The following GALNT11 variants were observed in gnomAD, a reference collection of about 807,000 sequenced individuals.
GALNT11 encodes UDP-GalNAc:polypeptide N-acetylgalactosaminyltransferase 11.
A neutral mutation model predicts 72.7 loss-of-function variants in GALNT11; 47 were observed. That is an observed-to-expected ratio of 0.65 (90% confidence interval 0.51 to 0.82). The LOEUF is 0.82. Ranked by LOEUF, GALNT11 falls within the 40% of genes least tolerant of loss-of-function variation. The pLI is 0.00. For missense variants in GALNT11, 677 were observed against 778.4 expected, an observed-to-expected ratio of 0.87 and a Z score of 1.55; for synonymous variants, 270 against 286.6, an observed-to-expected ratio of 0.94 and a Z score of 0.58.
At chr7:152,036,559 G>C (rs935564153) in intron 1 of GALNT11, among the ~76,000 whole-genome samples, 5 of 152,174 alleles carry the variant, frequency 3.3e-5, no homozygotes, top group African/African-American at 1.2e-4. Flanking sequence ...ACATGAGACT[G>C]CAGACCTCTT....
intron 1 of GALNT11, among the ~76,000 whole-genome samples, chr7:152,059,302 CTG>C (rs2083872524): frequency 6.6e-6 from 1 of 151,582 alleles, no homozygotes; most frequent in South Asian, 2.1e-4. Context: ...GGGTCTCACT[CTG>C]TTGTCCAAGC....
chr7:152,040,432 A>G (rs543403657), intron 1 of GALNT11, among the ~76,000 whole-genome samples: 2 of 152,330 alleles, frequency 1.3e-5, no homozygotes, highest in South Asian at 2.1e-4. Flanking sequence ...GCTTCTTTCC[A>G]GGTAATGCTG....
Position 152,121,667 on chromosome 7 carries a change from T to G in GALNT11, c.1817T>G (p.Leu606Trp). 2 of 1,613,974 alleles carry G rather than the reference T, an allele frequency of 1.2e-6. No homozygotes were observed. Among genetic ancestry groups the G allele is most frequent in the Non-Finnish European group, 1.7e-6 (2 of 1,179,920 alleles). The change falls in exon 12 of 12, where the codon TTG becomes TGG. Residue 606 changes from leucine (L) to tryptophan (W), a missense_variant. Physicochemically the swap from Leu to Trp is moderately conservative, Grantham distance 61 (BLOSUM62 -2). Transcript: ENST00000430044. The part of the protein sequence containing the change: ...CDGSSSQQWH[L>W]EG ...GGCTCCTCTTCACAGCAGTGGCATT[T>G]GGAAGGTTAAGGTGGATGCTGTGGT... is the stretch of plus-strand genomic sequence containing the variant.
intron 1 of GALNT11, among the ~76,000 whole-genome samples, chr7:152,085,193 T>C (rs1219472445): frequency 1.3e-5 from 2 of 152,172 alleles, no homozygotes; most frequent in East Asian, 3.8e-4. Flanking sequence ...CTGTTGTACC[T>C]CCCTGGCAAA....
At chr7:152,043,391 C>A (rs529551332) in intron 1 of GALNT11, among the ~76,000 whole-genome samples, 1 of 152,168 alleles carries the variant, frequency 6.6e-6, no homozygotes, top group Non-Finnish European at 1.5e-5. Context: ...CCGGCTGTGG[C>A]GGGGGACAGA....
Position 152,105,350 on chromosome 7 carries a change from T to C in GALNT11, c.692T>C (p.Ile231Thr). ...KREGLIRGRM[I>T]GAAHATGEVL... is the part of the protein sequence containing the mutation. ...GAGGGGTTGATTCGAGGGAGAATGA[T>C]TGGCGCGGCCCACGCGACAGGTATC... The change falls in exon 5 of 12, where the codon ATT becomes ACT. Residue 231 changes from isoleucine (I) to threonine (T), a missense_variant. By Grantham distance (89) the Ile-to-Thr change is moderately conservative. Transcript: ENST00000430044. 2 of 1,613,724 alleles carry C rather than the reference T, an allele frequency of 1.2e-6. No homozygotes were observed. The highest frequency in any genetic ancestry group is 8.5e-7 in the Non-Finnish European group (1 of 1,179,858).
intron 8 of GALNT11, 156 bp from the exon 9 acceptor site, chr7:152,117,001 T>C (rs1012976799): frequency 4.1e-6 from 3 of 733,484 alleles, no homozygotes; most frequent in Non-Finnish European, 7.2e-6. Context: ...TGATCTCATA[T>C]ATACGCCTGT....
In GALNT11 at chr7:152,094,575, G is replaced by GT; in HGVS notation, c.295+56dup. 1 of 1,501,558 alleles carries GT rather than the reference G, an allele frequency of 6.7e-7. No homozygotes were observed. Among genetic ancestry groups the GT allele is most frequent in the Non-Finnish European group, 8.9e-7 (1 of 1,120,810 alleles). The allele number at this position is 1,501,558 out of a possible 1,614,324, so 93.0% of individuals were successfully genotyped here. On this transcript the variant is annotated intron_variant, in intron 2 of 11. Transcript: ENST00000430044. This position sits in a 1 kb window ranked among gnomAD's most constrained non-coding sequence, Gnocchi z 4.3. ...ATATCAATGTATTTAATCACTGGAAGTTTGATTAATTAGTTAATTAGGAGA... is the reference window on the plus strand; with the variant it reads ...ATATCAATGTATTTAATCACTGGAAGTTTTGATTAATTAGTTAATTAGGAGA...
intron 1 of GALNT11, among the ~76,000 whole-genome samples, chr7:152,034,038 C>T (rs1356545299): frequency 6.6e-6 from 1 of 152,200 alleles, no homozygotes; most frequent in African/African-American, 2.4e-5. Flanking sequence ...CTGCCTTGAT[C>T]TGCTTTAAAT....
At chr7:152,100,752 G>C (rs2086810777) in intron 2 of GALNT11, 46 bp from the exon 3 acceptor site, 1 of 1,602,630 alleles carries the variant, frequency 6.2e-7, no homozygotes, top group Admixed American at 1.7e-5. Flanking sequence ...ACAGTAACAT[G>C]ATACTTTCTA....
At chr7:152,030,968 C>T (rs139806169) in intron 1 of GALNT11, among the ~76,000 whole-genome samples, 1,791 of 152,366 alleles carry the variant, frequency 0.012, 36 homozygotes, top group African/African-American at 0.041. Flanking sequence ...GCAATAACTC[C>T]ATGGTTTCCT....
intron 1 of GALNT11, among the ~76,000 whole-genome samples, chr7:152,055,565 G>A (rs200546258): frequency 0.068 from 7,521 of 111,098 alleles, 329 homozygotes; most frequent in East Asian, 0.24. Context: ...GTGTGTGTGT[G>A]TGTATATATA....
intron 1 of GALNT11, among the ~76,000 whole-genome samples, chr7:152,081,630 G>C (rs2085329118): frequency 6.6e-6 from 1 of 152,136 alleles, no homozygotes; most frequent in South Asian, 2.1e-4. Flanking sequence ...TTGCATAGTA[G>C]TGTAAGGCTA....
intron 1 of GALNT11, among the ~76,000 whole-genome samples, chr7:152,027,004 C>G (rs536536352): frequency 6.6e-6 from 1 of 152,296 alleles, no homozygotes; most frequent in East Asian, 1.9e-4. Flanking sequence ...AATCCCAGCA[C>G]TTTGGAAGGC....
intron 1 of GALNT11, among the ~76,000 whole-genome samples, chr7:152,067,793 TAAAG>T (rs1563054964): frequency 6.6e-6 from 1 of 152,112 alleles, no homozygotes; most frequent in Non-Finnish European, 1.5e-5. Flanking sequence ...GGGTAATTCA[TAAAG>T]AAAAGAGGTT....
At chr7:152,107,799 C>A in intron 5 of GALNT11, 2 of 365,758 alleles carry the variant, frequency 5.5e-6, no homozygotes, top group Non-Finnish European at 1.0e-5. Context: ...TCAAGAGTCG[C>A]GCGTATGATT....
chr7:152,119,296 G>A (rs2089199388), intron 10 of GALNT11: 1 of 152,194 alleles, frequency 6.6e-6, no homozygotes, highest in East Asian at 1.9e-4. Context: ...ATTAAAACGG[G>A]CCTAAAAATC....
chr7:152,029,259 A>G (rs1361351190), intron 1 of GALNT11, among the ~76,000 whole-genome samples: 1 of 152,116 alleles, frequency 6.6e-6, no homozygotes, highest in East Asian at 1.9e-4. Context: ...TCCTTACTGG[A>G]TAGATTTTGT....
intron 1 of GALNT11, among the ~76,000 whole-genome samples, chr7:152,064,325 C>T (rs1171434458): frequency 3.9e-5 from 6 of 152,100 alleles, no homozygotes; most frequent in Middle Eastern, 6.3e-3. Flanking sequence ...TTCCTCCATC[C>T]CTTTATTTTG....
Sources: allele counts gnomAD v4.1 joint callset (sites outside exome capture counted in the v4.1 genomes callset), GRCh38; gene constraint gnomAD v4.1.1; non-coding constraint Gnocchi (gnomAD v3.1); transcripts MANE v1.5; gene names NCBI Gene and HGNC (gene_info 2026-07-23, HGNC 2026-07-21).